Variants in GSTT4 observed in about 807,000 individuals in gnomAD.
GSTT4 encodes glutathione S-transferase theta-4.
At chr22:24,001,584 TG>T (rs1416018845) in intron 2 of GSTT4, among the ~76,000 whole-genome samples, 1 of 152,264 alleles carries the variant, frequency 6.6e-6, no homozygotes, top group African/African-American at 2.4e-5. Flanking sequence ...CGTGTTGAAT[TG>T]GGATGCTGAG....
At chr22:23,997,364 G>A (rs1407340787), downstream of GSTT4, among the ~76,000 whole-genome samples, 4 of 151,932 alleles carry the variant, frequency 2.6e-5, no homozygotes, top group African/African-American at 9.7e-5. Context: ...CTACAGGCTT[G>A]CACCACCACA....
At chr22:23,993,774 T>C (rs2034089774), downstream of GSTT4, among the ~76,000 whole-genome samples, 1 of 152,108 alleles carries the variant, frequency 6.6e-6, no homozygotes, top group Non-Finnish European at 1.5e-5. Flanking sequence ...AATCAGCTCA[T>C]TGGTTGGCGA....
the GSTT4 span, among the ~76,000 whole-genome samples, chr22:23,991,866 A>G: frequency 7.7e-6 from 1 of 129,622 alleles, no homozygotes; most frequent in Admixed American, 8.1e-5. Flanking sequence ...CATACTGGCT[A>G]AAACGGTGAA....
chr22:24,003,495 A>G (rs1333882177), intron 2 of GSTT4, among the ~76,000 whole-genome samples: 20 of 152,250 alleles, frequency 1.3e-4, no homozygotes, highest in Non-Finnish European at 2.5e-4. Context: ...AATTACAGGC[A>G]TGAGCTGGCT....
Position 24,000,060 on chromosome 22 carries a change from C to G in GSTT4, c.528+15G>C, listed in dbSNP as rs1395237226. The stretch of plus-strand genomic sequence containing the variant: ...CTCTGCCCAGGGTCTAACCCTCCTC[C>G]AATCCACTCCACACCTGCATCATCT... On this transcript the variant is annotated intron_variant, in intron 4 of 4. Coordinates refer to ENST00000621179, the MANE Select transcript of GSTT4 (RefSeq NM_001358664.2). The G allele has an allele frequency of 6.4e-6, 1 of 156,052 alleles. No homozygotes were observed. The highest frequency in any genetic ancestry group is 1.4e-5 in the Non-Finnish European group (1 of 69,088). The allele number at this position is 156,052 out of a possible 1,614,324, so 9.7% of individuals were successfully genotyped here. A position where few individuals can be genotyped will look rare whatever the true frequency, so the allele number is the denominator to read the frequency against.
downstream of GSTT4, among the ~76,000 whole-genome samples, chr22:23,996,088 C>T (rs566886004): frequency 3.3e-5 from 5 of 152,168 alleles, no homozygotes; most frequent in South Asian, 8.3e-4. Context: ...GGACTACAGG[C>T]ATGCGCCACC....
the GSTT4 span, among the ~76,000 whole-genome samples, chr22:23,991,926 G>A: frequency 8.2e-5 from 12 of 145,534 alleles, no homozygotes; most frequent in African/African-American, 1.7e-4. Context: ...GGTGGCGGGC[G>A]CCTGTAGTCC....
chr22:24,002,458 T>TGGTG, intron 2 of GSTT4, among the ~76,000 whole-genome samples: 1 of 152,392 alleles, frequency 6.6e-6, no homozygotes, highest in African/African-American at 2.4e-5. Context: ...GCAGCAACCA[T>TGGTG]GCCAAGGTAA....
chr22:23,990,993 A>G, the GSTT4 span, among the ~76,000 whole-genome samples: 1 of 97,250 alleles, frequency 1.0e-5, no homozygotes, highest in African/African-American at 3.2e-5. Flanking sequence ...AAACACAGCA[A>G]GACCTCCTCT....
chr22:23,995,626 A>G (rs2034108629), downstream of GSTT4, among the ~76,000 whole-genome samples: 2 of 152,126 alleles, frequency 1.3e-5, no homozygotes. Flanking sequence ...TGGCATGTCC[A>G]TGTCTATGTT....
intron 1 of GSTT4, 22 bp downstream of exon 1, chr22:24,005,223 C>T (rs1601580574): frequency 6.5e-6 from 1 of 153,286 alleles, no homozygotes. Context: ...ACCAGGCCTG[C>T]CAGGCAGCAG....
At chr22:23,992,063 A>G in the GSTT4 span, among the ~76,000 whole-genome samples, 1 of 149,342 alleles carries the variant, frequency 6.7e-6, no homozygotes, top group South Asian at 2.1e-4. Context: ...AAAAAAAAAA[A>G]AAAAAAAAAA....
chr22:23,991,744 T>C, the GSTT4 span, among the ~76,000 whole-genome samples: 1 of 141,318 alleles, frequency 7.1e-6, no homozygotes, highest in African/African-American at 2.6e-5. Flanking sequence ...AGGCTGCAGG[T>C]ATATTTCCCA....
the GSTT4 span, among the ~76,000 whole-genome samples, chr22:23,989,525 C>T: frequency 1.4e-5 from 2 of 142,742 alleles, no homozygotes; most frequent in African/African-American, 5.0e-5. Context: ...TCTAGGCTTG[C>T]CCCCTCTGAT....
chr22:23,995,669 C>G (rs1208095623), downstream of GSTT4, among the ~76,000 whole-genome samples: 1 of 152,178 alleles, frequency 6.6e-6, no homozygotes, highest in Non-Finnish European at 1.5e-5. Flanking sequence ...AGCTTGAACA[C>G]AAGATGGGTG....
intron 2 of GSTT4, among the ~76,000 whole-genome samples, chr22:24,002,457 A>G (rs1351191210): frequency 6.6e-6 from 1 of 152,294 alleles, no homozygotes; most frequent in African/African-American, 2.4e-5. Context: ...AGCAGCAACC[A>G]TGCCAAGGTA....
the GSTT4 span, among the ~76,000 whole-genome samples, chr22:23,992,052 C>CAAAA: frequency 8.4e-5 from 6 of 71,180 alleles, no homozygotes; most frequent in Admixed American, 1.9e-4. Context: ...TACTCCGTCT[C>CAAAA]AAAAAAAAAA....
chr22:23,995,513 A>G (rs1027814045), downstream of GSTT4, among the ~76,000 whole-genome samples: 1 of 152,212 alleles, frequency 6.6e-6, no homozygotes, highest in Non-Finnish European at 1.5e-5. Context: ...TTCCAACTTC[A>G]TCAGACCCTG....
At chr22:23,989,865 A>T in the GSTT4 span, among the ~76,000 whole-genome samples, 4 of 149,888 alleles carry the variant, frequency 2.7e-5, no homozygotes, top group African/African-American at 9.7e-5. Context: ...ATAGGCCTAC[A>T]TGTGGGCCTC....
Sources: allele counts gnomAD v4.1 joint callset (sites outside exome capture counted in the v4.1 genomes callset), GRCh38; gene constraint gnomAD v4.1.1; transcripts MANE v1.5; gene names NCBI Gene and HGNC (gene_info 2026-07-23, HGNC 2026-07-21).